The following RYR2 variants were observed in gnomAD, a reference collection of about 807,000 sequenced individuals.
The protein encoded by RYR2 is cardiac muscle ryanodine receptor-calcium release channel.
Under a neutral mutation model 601.1 loss-of-function variants are expected in RYR2, and 227 were observed. The observed-to-expected ratio is 0.38, with a 90% CI of 0.34 to 0.42. RYR2 has a LOEUF of 0.42. RYR2 is among the 10% of genes least tolerant of loss of function. The pLI is 1.00. For synonymous variants in RYR2, 2,223 were observed against 2,175.1 expected, an observed-to-expected ratio of 1.02 and a Z score of -0.61; for missense variants, 4,646 against 6,156.5, an observed-to-expected ratio of 0.75 and a Z score of 8.21.
At chr1:237,460,536 T>G (rs1266733003) in intron 16 of RYR2, among the ~76,000 whole-genome samples, 1 of 152,236 alleles carries the variant, frequency 6.6e-6, no homozygotes, top group African/African-American at 2.4e-5. Context: ...TCAGAATGCT[T>G]TTATTCACTA....
chr1:237,259,073 G>T (rs886268777), intron 1 of RYR2, among the ~76,000 whole-genome samples: 36 of 151,972 alleles, frequency 2.4e-4, no homozygotes, highest in African/African-American at 8.2e-4. Flanking sequence ...CCCTTTGGCT[G>T]ACATTACCAA....
At chr1:237,057,492 G>T (rs2148208898) in intron 1 of RYR2, among the ~76,000 whole-genome samples, 1 of 152,228 alleles carries the variant, frequency 6.6e-6, no homozygotes, top group Non-Finnish European at 1.5e-5. Context: ...GCCCTGAGGA[G>T]ACTTTTGATG....
At chr1:237,340,351 C>T (rs1697658253) in intron 3 of RYR2, among the ~76,000 whole-genome samples, 1 of 152,116 alleles carries the variant, frequency 6.6e-6, no homozygotes, top group Non-Finnish European at 1.5e-5. Flanking sequence ...GTATGAATAA[C>T]AATGCCTCCT....
At chr1:237,061,211 T>TTCTA (rs55747600) in intron 1 of RYR2, among the ~76,000 whole-genome samples, 33,371 of 105,112 alleles carry the variant, frequency 0.32, 5,946 homozygotes, top group Middle Eastern at 0.35. Flanking sequence ...AATACGGTTG[T>TTCTA]TCTATCTATC....
chr1:237,195,399 G>A (rs1216319499), intron 1 of RYR2, among the ~76,000 whole-genome samples: 1 of 152,114 alleles, frequency 6.6e-6, no homozygotes, highest in Non-Finnish European at 1.5e-5. Flanking sequence ...GATTACAGGT[G>A]TGTATCACCA....
chr1:237,579,009 T>A (rs897594892), intron 29 of RYR2, among the ~76,000 whole-genome samples: 3 of 143,296 alleles, frequency 2.1e-5, no homozygotes, highest in Non-Finnish European at 3.0e-5. Flanking sequence ...GAATCAGATA[T>A]CAGCTTAGAG....
chr1:237,638,416 C>A lies in RYR2; in HGVS notation c.6852C>A (p.Gly2284=). Residue 2284 remains glycine (G), a synonymous_variant, in exon 45 of 105, where the codon GGC becomes GGA. Coordinates refer to ENST00000366574, the MANE Select transcript of RYR2 (RefSeq NM_001035.3). The stretch of plus-strand genomic sequence containing the variant: ...GTTGCCAGATGCTGGTGTCTAAGGG[C>A]TATCCAGACATTGGGTGGAACCCAG... ...LQSCQMLVSK[G]YPDIGWNPVE... is the part of the protein sequence containing the mutation. 1 of 1,613,922 alleles carries A rather than the reference C, an allele frequency of 6.2e-7. No homozygotes were observed. Among genetic ancestry groups the A allele is most frequent in the Non-Finnish European group, 8.5e-7 (1 of 1,179,834 alleles).
rs752376759 is a variant in RYR2 at position 237,569,316 on chromosome 1, G to A, written c.3595G>A (p.Asp1199Asn). 2.1e-5 allele frequency: 34 copies of A among 1,613,236 alleles called. No homozygotes were observed. Among genetic ancestry groups the A allele is most frequent in the Admixed American group, 8.3e-5 (5 of 59,912 alleles). Residue 1199 changes from aspartate (D) to asparagine (N), a missense_variant, in exon 29 of 105, where the codon GAT (aspartate) becomes AAT (asparagine). Physicochemically the swap from Asp to Asn is conservative, Grantham distance 23 (BLOSUM62 1). This residue lies in a region of RYR2 where 1,807 missense variants were observed against 2,088.1 expected (regional missense o/e 0.87). Transcript: ENST00000366574. ...ELAFKDFDVG[D>N]GFIPVCSLGV... ...GGCTTTCAAGGACTTTGATGTTGGC[G>A]ATGGTAAGTCTACTATGTTTTGTGT...
intron 1 of RYR2, among the ~76,000 whole-genome samples, chr1:237,096,847 G>A (rs1025568716): frequency 2.0e-5 from 3 of 152,178 alleles, no homozygotes; most frequent in Non-Finnish European, 2.9e-5. Flanking sequence ...ATAAATCTGT[G>A]TGGGTGTGTC....
intron 80 of RYR2, among the ~76,000 whole-genome samples, chr1:237,753,921 G>GT (rs200314485): frequency 0.022 from 3,069 of 138,354 alleles, 61 homozygotes; most frequent in South Asian, 0.081. Context: ...AGCTTTCAGA[G>GT]TTTTTTTTTT....
rs1272845015 is a variant in RYR2, at chr1:237,288,049, C to T, written c.168+17433C>T. ...CCCCTTTTCTTATGGATGTGGCTTC[C>T]TGTCAGCTGAATCACAGTGATTGTT... On this transcript the variant is annotated intron_variant, in intron 2 of 104. Transcript: ENST00000366574. 5.3e-5 allele frequency among the ~76,000 whole-genome samples: 8 copies of T among 152,182 alleles called. No homozygotes were observed. In the East Asian group the frequency reaches 1.5e-3, roughly 29 times the overall value.
chr1:237,722,733 A>G (rs1453846296), intron 73 of RYR2, among the ~76,000 whole-genome samples: 1 of 152,114 alleles, frequency 6.6e-6, no homozygotes, highest in African/African-American at 2.4e-5. Flanking sequence ...GTGCCTGGCC[A>G]ATATTTTTAA....
At chr1:237,046,203 T>C (rs1458714857) in intron 1 of RYR2, among the ~76,000 whole-genome samples, 1 of 152,140 alleles carries the variant, frequency 6.6e-6, no homozygotes, top group African/African-American at 2.4e-5. Context: ...CACTGCATAG[T>C]AGTTTGGATG....
chr1:237,569,445 G>A (rs1196147255), intron 29 of RYR2, 126 bp downstream of exon 29: 1 of 829,612 alleles, frequency 1.2e-6, no homozygotes, highest in Admixed American at 2.3e-5. Context: ...TGTAAATCGT[G>A]AGGGTGCCTT....
intron 39 of RYR2, among the ~76,000 whole-genome samples, chr1:237,625,414 A>T (rs922404794): frequency 2.0e-5 from 3 of 152,104 alleles, no homozygotes; most frequent in Admixed American, 6.5e-5. Flanking sequence ...GTCTCTACTC[A>T]GTGTTATATT....
intron 16 of RYR2, among the ~76,000 whole-genome samples, chr1:237,458,740 TA>T (rs56396692): frequency 0.01 from 1,516 of 149,134 alleles, 29 homozygotes; most frequent in East Asian, 0.096. Context: ...CAAAAAAAGT[TA>T]AAAAAAAAAA....
At chr1:237,208,962 A>ATATATATATATG in intron 1 of RYR2, among the ~76,000 whole-genome samples, 2 of 103,928 alleles carry the variant, frequency 1.9e-5, no homozygotes, top group South Asian at 4.2e-4. Context: ...ATATATATAT[A>ATATATATATATG]TATATATATA....
intron 13 of RYR2, among the ~76,000 whole-genome samples, chr1:237,442,995 C>T (rs1572351574): frequency 6.6e-6 from 1 of 152,096 alleles, no homozygotes; most frequent in Non-Finnish European, 1.5e-5. Context: ...TCTACTTTTC[C>T]AACCATGTCT....
chr1:237,698,574 T>A (rs796448000), intron 63 of RYR2, among the ~76,000 whole-genome samples: 22 of 152,282 alleles, frequency 1.4e-4, no homozygotes, highest in African/African-American at 5.1e-4. Flanking sequence ...GGAATGAAAA[T>A]TTTTAAACTT....
Sources: allele counts gnomAD v4.1 joint callset (sites outside exome capture counted in the v4.1 genomes callset), GRCh38; gene constraint gnomAD v4.1.1; regional missense constraint gnomAD v4.1.1; transcripts MANE v1.5; gene names NCBI Gene and HGNC (gene_info 2026-07-23, HGNC 2026-07-21).